The following UBASH3B variants were observed in gnomAD, a reference collection of about 807,000 sequenced individuals.
The protein encoded by UBASH3B is ubiquitin associated and SH3 domain containing B.
A neutral mutation model predicts 83.4 loss-of-function variants in UBASH3B; 37 were observed. That is an observed-to-expected ratio of 0.44 (90% CI 0.34 to 0.58). The LOEUF (loss-of-function observed/expected upper bound fraction) is 0.58. Ranked by LOEUF, UBASH3B falls within the 20% of genes least tolerant of loss-of-function variation. UBASH3B has a pLI of 0.01. For synonymous variants in UBASH3B, 304 were observed against 318.3 expected, an observed-to-expected ratio of 0.96 and a Z score of 0.48; for missense variants, 657 against 827.2, an observed-to-expected ratio of 0.79 and a Z score of 2.52.
intron 1 of UBASH3B, among the ~76,000 whole-genome samples, chr11:122,706,169 T>C (rs1864117839): frequency 6.8e-6 from 1 of 147,814 alleles, no homozygotes; most frequent in Non-Finnish European, 1.5e-5. Flanking sequence ...CAGACTAGAG[T>C]GCAGTTGCGT....
intron 1 of UBASH3B, among the ~76,000 whole-genome samples, chr11:122,725,621 G>A (rs1016290278): frequency 6.6e-6 from 1 of 152,132 alleles, no homozygotes; most frequent in Admixed American, 6.5e-5. Flanking sequence ...ATGCTGTACT[G>A]GATTTCCTGC....
intron 9 of UBASH3B, among the ~76,000 whole-genome samples, chr11:122,798,659 C>T (rs1454759670): frequency 3.4e-5 from 5 of 144,950 alleles, no homozygotes; most frequent in Admixed American, 7.2e-5. Flanking sequence ...TGCAGTGAGC[C>T]GAGATCACAC....
intron 11 of UBASH3B, among the ~76,000 whole-genome samples, chr11:122,804,668 A>G (rs1400608554): frequency 6.6e-6 from 1 of 152,194 alleles, no homozygotes; most frequent in African/African-American, 2.4e-5. Flanking sequence ...ACTCGCACAG[A>G]GCCTGACACA....
At chr11:122,662,717 C>T (rs1326292061) in intron 1 of UBASH3B, among the ~76,000 whole-genome samples, 3 of 152,162 alleles carry the variant, frequency 2.0e-5, no homozygotes, top group Non-Finnish European at 4.4e-5. Context: ...AGGCATGAGA[C>T]ACCACGCCCA....
At chr11:122,730,829 AGGTGATCCGCCC>A (rs892883041) in intron 1 of UBASH3B, among the ~76,000 whole-genome samples, 10 of 152,112 alleles carry the variant, frequency 6.6e-5, no homozygotes, top group Non-Finnish European at 8.8e-5. Flanking sequence ...TCCCGACCTC[AGGTGATCCGCCC>A]GCCTCGGCCT....
At position 122,806,649 on chromosome 11, in the gene UBASH3B, CT is replaced by C; in HGVS notation, c.1702+137del. On this transcript the variant is annotated intron_variant, in intron 12 of 13. Coordinates refer to ENST00000284273, the MANE Select transcript of UBASH3B (RefSeq NM_032873.5). The surrounding 1 kb of genome is among the most constrained non-coding windows in gnomAD (Gnocchi z 4.0). ...GTATTTCCAGATTTTCTTCCAGATACTTTTACATTAAATTTGTAATATTCTC... is the reference window on the plus strand; with the variant it reads ...GTATTTCCAGATTTTCTTCCAGATACTTTACATTAAATTTGTAATATTCTC... 1 of 1,263,474 alleles carries C rather than the reference CT, an allele frequency of 7.9e-7. No individual in the cohort carries two copies. The highest frequency in any genetic ancestry group is 1.0e-6 in the Non-Finnish European group (1 of 973,078). The allele number at this position is 1,263,474 out of a possible 1,614,324, so 78.3% of individuals were successfully genotyped here.
At chr11:122,769,015 C>G (rs192305777) in intron 1 of UBASH3B, among the ~76,000 whole-genome samples, 2 of 152,312 alleles carry the variant, frequency 1.3e-5, no homozygotes, top group East Asian at 3.9e-4. Context: ...ATAAGTTTGT[C>G]ATGAGGTAGC....
chr11:122,717,500 C>T (rs754415493), intron 1 of UBASH3B, among the ~76,000 whole-genome samples: 5 of 152,352 alleles, frequency 3.3e-5, no homozygotes, highest in Middle Eastern at 3.4e-3. Context: ...ATGCATTAGG[C>T]GTGGCTCTGG....
At chr11:122,771,736 G>A (rs1010469324) in intron 1 of UBASH3B, among the ~76,000 whole-genome samples, 52 of 143,600 alleles carry the variant, frequency 3.6e-4, no homozygotes, top group Non-Finnish European at 5.7e-4. Flanking sequence ...GGCAACTTAA[G>A]AGCTGTGTTA....
chr11:122,805,622 C>T (rs924730533), intron 11 of UBASH3B, among the ~76,000 whole-genome samples: 1 of 152,110 alleles, frequency 6.6e-6, no homozygotes, highest in Non-Finnish European at 1.5e-5. Flanking sequence ...TCTTGTGAGA[C>T]TTATTCACTA....
intron 1 of UBASH3B, among the ~76,000 whole-genome samples, chr11:122,724,678 G>T (rs960816810): frequency 6.6e-6 from 1 of 152,170 alleles, no homozygotes; most frequent in African/African-American, 2.4e-5. Context: ...ACCAGATGGG[G>T]GAAAGGGGAA....
chr11:122,738,090 G>A (rs1051934395), intron 1 of UBASH3B, among the ~76,000 whole-genome samples: 1 of 152,202 alleles, frequency 6.6e-6, no homozygotes, highest in Non-Finnish European at 1.5e-5. Context: ...GCTCCTAATG[G>A]GAAATGCCGT....
intron 1 of UBASH3B, among the ~76,000 whole-genome samples, chr11:122,760,053 T>A (rs1861345230): frequency 6.6e-6 from 1 of 152,184 alleles, no homozygotes; most frequent in African/African-American, 2.4e-5. Context: ...TTTAACATCT[T>A]CAGGAAGTTC....
In UBASH3B at chr11:122,782,664, G is replaced by A. The variant is rs150377906; in HGVS notation, c.602-389G>A. 21 of 160,850 alleles carry A rather than the reference G, an allele frequency of 1.3e-4. No individual in the cohort carries two copies. In the East Asian group the frequency reaches 3.6e-3, roughly 27 times the overall value. The allele number at this position is 160,850 out of a possible 1,614,324, so 10.0% of individuals were successfully genotyped here. On this transcript the variant is annotated intron_variant, in intron 4 of 13. Transcript: ENST00000284273. ...AAATGAAGGGAATAGAGCTTTGGGA[G>A]TCACGCAGCTATAAAACATGCTTTG...
chr11:122,667,933 C>T (rs932024087), intron 1 of UBASH3B, among the ~76,000 whole-genome samples: 4 of 152,168 alleles, frequency 2.6e-5, no homozygotes, highest in African/African-American at 9.7e-5. Context: ...ACCATGGTTT[C>T]TTTTTTCCAT....
At chr11:122,786,836 T>A (rs895269006) in intron 5 of UBASH3B, among the ~76,000 whole-genome samples, 1 of 152,238 alleles carries the variant, frequency 6.6e-6, no homozygotes, top group Non-Finnish European at 1.5e-5. Flanking sequence ...ATTTTAGATT[T>A]GCTACAATGC....
chr11:122,746,097 C>T (rs1317064919), intron 1 of UBASH3B, among the ~76,000 whole-genome samples: 1 of 152,166 alleles, frequency 6.6e-6, no homozygotes, highest in Admixed American at 6.5e-5. Context: ...ATGAAGGCTC[C>T]GTGCCCGCCC....
chr11:122,698,693 T>G, intron 1 of UBASH3B, among the ~76,000 whole-genome samples: 1 of 151,918 alleles, frequency 6.6e-6, no homozygotes, highest in East Asian at 1.9e-4. Flanking sequence ...GTTCCCTAAC[T>G]CCCAATGATC....
chr11:122,798,109 C>T (rs1346237216), intron 9 of UBASH3B, among the ~76,000 whole-genome samples: 1 of 151,864 alleles, frequency 6.6e-6, no homozygotes, highest in Non-Finnish European at 1.5e-5. Flanking sequence ...TGATCACACC[C>T]CTGCACTCCA....
Sources: allele counts gnomAD v4.1 joint callset (sites outside exome capture counted in the v4.1 genomes callset), GRCh38; gene constraint gnomAD v4.1.1; non-coding constraint Gnocchi (gnomAD v3.1); transcripts MANE v1.5; gene names NCBI Gene and HGNC (gene_info 2026-07-23, HGNC 2026-07-21).